The following SEM1 variants were observed in gnomAD, a reference collection of about 807,000 sequenced individuals.
The protein encoded by SEM1 is 26S proteasome complex subunit SEM1.
A neutral mutation model predicts 12.7 loss-of-function variants in SEM1; 3 were observed. That is an observed-to-expected ratio of 0.24 (90% CI 0.11 to 0.61). The LOEUF (loss-of-function observed/expected upper bound fraction) is 0.61, where lower values mean the gene tolerates loss of function less well. Ranked by LOEUF, SEM1 falls within the 20% of genes least tolerant of loss-of-function variation. The pLI is 0.88. For missense variants in SEM1, 59 were observed against 81.3 expected, an observed-to-expected ratio of 0.73 and a Z score of 1.06; for synonymous variants, 30 against 27.8, an observed-to-expected ratio of 1.08 and a Z score of -0.25.
At chr7:96,697,183 A>C (rs1054842670) in intron 1 of SEM1, 24 of 151,944 alleles carry the variant, frequency 1.6e-4, no homozygotes, top group Non-Finnish European at 2.4e-4. Flanking sequence ...AAAAAAAAAA[A>C]AAACCCTACA....
upstream of SEM1, among the ~76,000 whole-genome samples, chr7:96,500,465 A>G (rs1803488883): frequency 6.6e-6 from 1 of 152,180 alleles, no homozygotes; most frequent in Non-Finnish European, 1.5e-5. Context: ...AACTTCACTC[A>G]GGCCAGTCGT....
intron 2 of SEM1, among the ~76,000 whole-genome samples, chr7:96,691,923 G>C (rs1584866819): frequency 1.3e-5 from 2 of 152,112 alleles, no homozygotes; most frequent in Admixed American, 6.5e-5. Context: ...AGTGAAGAAA[G>C]AACTCATGAC....
At chr7:96,488,021 C>T (rs534446857) in intron 1 of SEM1, among the ~76,000 whole-genome samples, 3 of 151,648 alleles carry the variant, frequency 2.0e-5, no homozygotes, top group African/African-American at 4.9e-5. Context: ...AGAAGATATC[C>T]GTACTCATGT....
At chr7:96,648,546 G>T (rs1209387507) in intron 2 of SEM1, among the ~76,000 whole-genome samples, 1 of 152,154 alleles carries the variant, frequency 6.6e-6, no homozygotes. Flanking sequence ...CACAACCATA[G>T]AAACTGTGGC....
At chr7:96,496,993 G>T (rs1217825659), upstream of SEM1, among the ~76,000 whole-genome samples, 1 of 145,524 alleles carries the variant, frequency 6.9e-6, no homozygotes, top group Non-Finnish European at 1.5e-5. Context: ...ACACACACAT[G>T]CGCACGAGCA....
At chr7:96,525,320 A>G (rs1464292871) in intron 2 of SEM1, among the ~76,000 whole-genome samples, 1 of 151,410 alleles carries the variant, frequency 6.6e-6, no homozygotes, top group Non-Finnish European at 1.5e-5. Context: ...AAAGAATTGG[A>G]AACTCTGTGG....
chr7:96,587,639 A>T (rs1226300332), intron 2 of SEM1, among the ~76,000 whole-genome samples: 1 of 137,694 alleles, frequency 7.3e-6, no homozygotes, highest in African/African-American at 2.6e-5. Context: ...CTGCATTACG[A>T]TTAAGACTTT....
At chr7:96,565,012 G>A (rs1805803462) in intron 2 of SEM1, among the ~76,000 whole-genome samples, 1 of 151,882 alleles carries the variant, frequency 6.6e-6, no homozygotes, top group African/African-American at 2.4e-5. Flanking sequence ...AAATTTTGAT[G>A]TGCATTTTCA....
chr7:96,646,325 A>G lies in SEM1; in HGVS notation c.171-23682T>C, dbSNP rs571806445. On this transcript the variant is annotated intron_variant, in intron 2 of 2. Transcript: ENST00000417009. ...ATATTTACTATCTGGTCATTTACAGAACAACTTTGCTGACCTCTTAACTAC... is the reference window on the plus strand; with the variant it reads ...ATATTTACTATCTGGTCATTTACAGGACAACTTTGCTGACCTCTTAACTAC... 3.0e-4 allele frequency among the ~76,000 whole-genome samples: 46 copies of G among 152,336 alleles called. No homozygotes were observed. In the East Asian group the frequency reaches 8.7e-3, roughly 29 times the overall value.
At chr7:96,515,464 G>A (rs1459220708) in intron 2 of SEM1, among the ~76,000 whole-genome samples, 2 of 152,206 alleles carry the variant, frequency 1.3e-5, no homozygotes, top group South Asian at 2.1e-4. Context: ...GGAAGACAGT[G>A]TGGCAATTCC....
chr7:96,508,053 A>G (rs1452222180), intron 2 of SEM1, among the ~76,000 whole-genome samples: 1 of 151,980 alleles, frequency 6.6e-6, no homozygotes, highest in Non-Finnish European at 1.5e-5. Context: ...TTATATTGGG[A>G]ATATCTTATA....
chr7:96,601,608 A>C (rs1466620880), intron 2 of SEM1, among the ~76,000 whole-genome samples: 1 of 152,120 alleles, frequency 6.6e-6, no homozygotes, highest in East Asian at 1.9e-4. Context: ...CAGGTGAGTT[A>C]ATTGATGAGG....
chr7:96,656,092 AGG>A (rs893588475), intron 2 of SEM1, among the ~76,000 whole-genome samples: 38 of 152,314 alleles, frequency 2.5e-4, no homozygotes, highest in Admixed American at 2.1e-3. Context: ...CCTCAGAAAC[AGG>A]CTCTTGCCCT....
At chr7:96,591,333 T>G (rs1563075258) in intron 2 of SEM1, among the ~76,000 whole-genome samples, 1 of 152,194 alleles carries the variant, frequency 6.6e-6, no homozygotes, top group Non-Finnish European at 1.5e-5. Context: ...TTCTGAGGTT[T>G]TAAAACAACG....
At chr7:96,566,929 A>G (rs147694379) in intron 2 of SEM1, among the ~76,000 whole-genome samples, 1 of 151,792 alleles carries the variant, frequency 6.6e-6, no homozygotes, top group Non-Finnish European at 1.5e-5. Context: ...TTCTTTGATA[A>G]CAAGCCACAT....
chr7:96,586,160 A>C (rs4317506), intron 2 of SEM1, among the ~76,000 whole-genome samples: 1 of 152,168 alleles, frequency 6.6e-6, no homozygotes, highest in East Asian at 1.9e-4. Flanking sequence ...TTAAAAAGGA[A>C]GAAGATGGGA....
At chr7:96,534,390 C>T (rs1584744162) in intron 2 of SEM1, among the ~76,000 whole-genome samples, 1 of 152,076 alleles carries the variant, frequency 6.6e-6, no homozygotes, top group East Asian at 1.9e-4. Flanking sequence ...AATGTGTCAA[C>T]ATTTGGAAAA....
chr7:96,706,497 G>A (rs923494291), intron 1 of SEM1: 2 of 149,148 alleles, frequency 1.3e-5, no homozygotes, highest in Admixed American at 6.8e-5. Flanking sequence ...AGGAGGTGGA[G>A]GTTGCAGTCA....
chr7:96,549,354 G>C (rs1429567263), intron 2 of SEM1, among the ~76,000 whole-genome samples: 1 of 152,172 alleles, frequency 6.6e-6, no homozygotes, highest in Non-Finnish European at 1.5e-5. Context: ...CCAAAAAGGC[G>C]GAGGACTTGG....
Sources: gnomAD v4.1 joint callset for allele counts (sites outside exome capture counted in the v4.1 genomes callset) on GRCh38, gnomAD v4.1.1 for gene constraint, MANE v1.5 for transcripts, NCBI Gene and HGNC (gene_info 2026-07-23, HGNC 2026-07-21) for gene names.